Variants in SIRPA observed in about 807,000 individuals in gnomAD.
SIRPA encodes the protein signal regulatory protein alpha.
A neutral mutation model predicts 50.3 loss-of-function variants in SIRPA; 9 were observed. The observed-to-expected ratio is 0.18, with a 90% CI of 0.11 to 0.31. The LOEUF (loss-of-function observed/expected upper bound fraction) is 0.31, where lower values mean the gene tolerates loss of function less well. Ranked by LOEUF, SIRPA falls within the 10% of genes least tolerant of loss-of-function variation. SIRPA has a pLI of 1.00. For synonymous variants in SIRPA, 265 were observed against 284.1 expected (o/e 0.93, Z 0.68); for missense variants, 474 against 661.6 (o/e 0.72, Z 3.11).
At chr20:1,926,508 C>T (rs1039404157) in intron 5 of SIRPA, among the ~76,000 whole-genome samples, 2 of 152,248 alleles carry the variant, frequency 1.3e-5, no homozygotes, top group Non-Finnish European at 1.5e-5. Context: ...GTAAAGGCCA[C>T]CCAGCCCGAG....
At position 1,924,880 on chromosome 20, in the gene SIRPA, G is replaced by T; in HGVS notation, c.1201+3G>T. 1 of 1,610,790 alleles carries T rather than the reference G, an allele frequency of 6.2e-7. No homozygotes were observed. Among genetic ancestry groups the T allele is most frequent in the South Asian group, 1.1e-5 (1 of 91,018 alleles). On this transcript the variant is annotated splice_donor_region_variant and intron_variant, in intron 5 of 7. Coordinates refer to ENST00000358771, the MANE Select transcript of SIRPA (RefSeq NM_001040023.2). This position sits in a 1 kb window ranked among gnomAD's most constrained non-coding sequence, Gnocchi z 4.5. ...CGTCCGAATCAGACAGAAGAAAGGT[G>T]GGTGCATTCCCCTCTTCCTCCCTAA...
At chr20:1,925,042 T>C (rs1472060151) in intron 5 of SIRPA, among the ~76,000 whole-genome samples, 165 bp downstream of exon 5, 1 of 152,154 alleles carries the variant, frequency 6.6e-6, no homozygotes, top group African/African-American at 2.4e-5. Context: ...TGTTAGAGTC[T>C]GGGTGGGTCA....
rs1168876877 is a variant in SIRPA, at chr20:1,928,903, T to C, written c.1226+1004T>C. 1.3e-5 allele frequency among the ~76,000 whole-genome samples: 2 copies of C among 152,154 alleles called. No homozygotes were observed. Among genetic ancestry groups the C allele is most frequent in the Non-Finnish European group, 2.9e-5 (2 of 68,020 alleles). ...TATCGGCTTTTTGGAAGGCCTCTGATCTTCATCCCCAGCAGAGCAGAGGCA... is the reference window on the plus strand; with the variant it reads ...TATCGGCTTTTTGGAAGGCCTCTGACCTTCATCCCCAGCAGAGCAGAGGCA... On this transcript the variant is annotated intron_variant, in intron 6 of 7. Transcript: ENST00000358771. This position sits in a 1 kb window ranked among gnomAD's most constrained non-coding sequence, Gnocchi z 4.9.
intron 2 of SIRPA, 128 bp from the exon 3 acceptor site, chr20:1,921,267 C>A: frequency 6.6e-7 from 1 of 1,510,942 alleles, no homozygotes. Context: ...ACACCGCCCT[C>A]ATTAATCCTT....
At chr20:1,917,214 G>C (rs1173766280) in intron 2 of SIRPA, among the ~76,000 whole-genome samples, 1 of 152,100 alleles carries the variant, frequency 6.6e-6, no homozygotes, top group Non-Finnish European at 1.5e-5. Context: ...TTTATAACAA[G>C]TACTTATGAA....
At chr20:1,917,795 G>A (rs1401006357) in intron 2 of SIRPA, among the ~76,000 whole-genome samples, 1 of 152,116 alleles carries the variant, frequency 6.6e-6, no homozygotes, top group Non-Finnish European at 1.5e-5. Context: ...TGGAGCAAGA[G>A]TTTATATTAT....
In SIRPA at chr20:1,921,645, G is replaced by A. The variant is rs748174519; in HGVS notation, c.687G>A (p.Glu229=). 10 of 1,614,064 alleles carry A rather than the reference G, an allele frequency of 6.2e-6. No individual in the cohort carries two copies. The highest frequency in any genetic ancestry group is 8.5e-6 in the Non-Finnish European group (10 of 1,180,030). The stretch of plus-strand genomic sequence containing the variant: ...ACGTTCACTCTCAAGTCATCTGCGA[G>A]GTGGCCCACGTCACCTTGCAGGGGG... ...REDVHSQVIC[E]VAHVTLQGDP... Residue 229 remains glutamate (E), a synonymous_variant, in exon 3 of 8, where the codon GAG becomes GAA. Coordinates refer to ENST00000358771, the MANE Select transcript of SIRPA (RefSeq NM_001040023.2).
chr20:1,914,472 G>A (rs1985101605), intron 1 of SIRPA, among the ~76,000 whole-genome samples: 1 of 151,906 alleles, frequency 6.6e-6, no homozygotes, highest in African/African-American at 2.4e-5. Context: ...ACTAAGGGCA[G>A]CTCTTGCATT....
At position 1,898,039 on chromosome 20, in the gene SIRPA, C is replaced by CAAGACCCCCCAGG. The variant is rs1983931004; in HGVS notation, c.79+2513_79+2514insAAGACCCCCCAGG. ...GATGCCTGCTTGGCCCCAGGTAGGC[C>CAAGACCCCCCAGG]TTGAGACCTCTGAGTCACCCCCCAG... On this transcript the variant is annotated intron_variant, in intron 1 of 7. Transcript: ENST00000358771. This position sits in a 1 kb window ranked among gnomAD's most constrained non-coding sequence, Gnocchi z 4.3. Among the ~76,000 whole-genome samples, 1 of 152,202 alleles carries CAAGACCCCCCAGG rather than the reference C, an allele frequency of 6.6e-6. No homozygotes were observed. The highest frequency in any genetic ancestry group is 1.5e-5 in the Non-Finnish European group (1 of 68,032).
chr20:1,917,584 C>T (rs1300133907), intron 2 of SIRPA, among the ~76,000 whole-genome samples: 1 of 152,132 alleles, frequency 6.6e-6, no homozygotes, highest in Non-Finnish European at 1.5e-5. Context: ...GAGGGACTGG[C>T]CCCCATCAGA....
chr20:1,938,096 A>C lies in SIRPA; in HGVS notation c.*528A>C, dbSNP rs1226786031. The C allele has an allele frequency of 6.4e-6, 1 of 156,850 alleles. No individual in the cohort carries two copies. Among genetic ancestry groups the C allele is most frequent in the Non-Finnish European group, 1.4e-5 (1 of 70,778 alleles). The allele number at this position is 156,850 out of a possible 1,614,324, so 9.7% of individuals were successfully genotyped here. The stretch of plus-strand genomic sequence containing the variant: ...CCCTTCCATGGAAAAGCTGGAAAAA[A>C]ACTCTGGAACCCATATCCAGGCTTG... On this transcript the variant is annotated 3_prime_UTR_variant, in exon 8 of 8. Coordinates refer to ENST00000358771, the MANE Select transcript of SIRPA (RefSeq NM_001040023.2).
intron 2 of SIRPA, among the ~76,000 whole-genome samples, chr20:1,915,998 G>A (rs530379699): frequency 1.7e-4 from 26 of 152,230 alleles, no homozygotes; most frequent in Non-Finnish European, 2.9e-4. Flanking sequence ...AAAAGGCACA[G>A]ATTTACTGTT....
chr20:1,921,369 C>G, intron 2 of SIRPA, 26 bp from the exon 3 acceptor site: 1 of 1,611,232 alleles, frequency 6.2e-7, no homozygotes, highest in African/African-American at 1.3e-5. Flanking sequence ...AGTCATGTCT[C>G]CTGATTATCG....
chr20:1,896,177 G>C (rs1171057686), intron 1 of SIRPA, among the ~76,000 whole-genome samples: 8 of 152,198 alleles, frequency 5.3e-5, no homozygotes, highest in Non-Finnish European at 1.2e-4. Flanking sequence ...GCCTCTCCCT[G>C]GTGGTCTTGC....
At chr20:1,910,557 C>G (rs537316549) in intron 1 of SIRPA, among the ~76,000 whole-genome samples, 1 of 152,082 alleles carries the variant, frequency 6.6e-6, no homozygotes, top group Non-Finnish European at 1.5e-5. Context: ...ATTTATCGAG[C>G]GTCTACACTG....
chr20:1,934,661 T>C lies in SIRPA; in HGVS notation c.1227-54T>C, dbSNP rs1986470865. 10 of 1,567,156 alleles carry C rather than the reference T, an allele frequency of 6.4e-6. No homozygotes were observed. The highest frequency in any genetic ancestry group is 8.8e-6 in the Non-Finnish European group (10 of 1,137,630). On this transcript the variant is annotated intron_variant, in intron 6 of 7. Transcript: ENST00000358771. This position sits in a 1 kb window ranked among gnomAD's most constrained non-coding sequence, Gnocchi z 4.6. ...TAAATGTTATTCTTATCAGTTTGCA[T>C]GAGCACTTGAGATAGTGAGGGTATT...
At position 1,927,981 on chromosome 20, in the gene SIRPA, T is replaced by A; in HGVS notation, c.1226+82T>A. 8.4e-7 allele frequency: 1 copy of A among 1,189,356 alleles called. No homozygotes were observed. The highest frequency in any genetic ancestry group is 1.3e-6 in the Non-Finnish European group (1 of 792,242). 73.7% of individuals were successfully genotyped at this position (1,189,356 alleles called of 1,614,324 possible). Reference sequence around the variant, plus strand: ...CCCCCAGACTACAAAGCATAATCCATGTCCACTGACCTCACCAATGTGTTG... The same window carrying A: ...CCCCCAGACTACAAAGCATAATCCAAGTCCACTGACCTCACCAATGTGTTG... On this transcript the variant is annotated intron_variant, in intron 6 of 7. Coordinates refer to ENST00000358771, the MANE Select transcript of SIRPA (RefSeq NM_001040023.2). The surrounding 1 kb of genome is among the most constrained non-coding windows in gnomAD (Gnocchi z 6.5).
Position 1,937,282 on chromosome 20 carries a change from CCTT to C in SIRPA, c.1267-35_1267-33del, listed in dbSNP as rs1568516792. ...GAGTGGGCCAGGGGCTATAGAATGA[CCTT>C]CTCATGACTTTCTCTTTGGGTATCT... On this transcript the variant is annotated intron_variant, in intron 7 of 7. Coordinates refer to ENST00000358771, the MANE Select transcript of SIRPA (RefSeq NM_001040023.2). The surrounding 1 kb of genome is among the most constrained non-coding windows in gnomAD (Gnocchi z 8.3). The C allele has an allele frequency of 6.3e-7, 1 of 1,594,666 alleles. No homozygotes were observed. Among genetic ancestry groups the C allele is most frequent in the Admixed American group, 1.7e-5 (1 of 59,114 alleles).
chr20:1,935,509 T>C (rs1446213490), intron 7 of SIRPA, among the ~76,000 whole-genome samples: 1 of 152,274 alleles, frequency 6.6e-6, no homozygotes, highest in Non-Finnish European at 1.5e-5. Context: ...GCAGCATTTG[T>C]AGACCAAAAT....
Sources: allele counts gnomAD v4.1 joint callset (sites outside exome capture counted in the v4.1 genomes callset), GRCh38; gene constraint gnomAD v4.1.1; non-coding constraint Gnocchi (gnomAD v3.1); transcripts MANE v1.5; gene names NCBI Gene and HGNC (gene_info 2026-07-23, HGNC 2026-07-21).